The following ARMC6 variants were observed in gnomAD, a reference collection of about 807,000 sequenced individuals.
ARMC6 encodes the protein armadillo repeat containing 6.
A neutral mutation model predicts 49.2 loss-of-function variants in ARMC6; 43 were observed. The ratio of observed to expected loss-of-function variants is 0.87; its 90% CI spans 0.69 to 1.13. The LOEUF (loss-of-function observed/expected upper bound fraction) is 1.13. Among genes scored for constraint, ARMC6 ranks in the 50% most tolerant of loss-of-function variants. ARMC6 has a pLI of 0.00. For synonymous variants in ARMC6, 262 were observed against 289.6 expected, an observed-to-expected ratio of 0.90 and a Z score of 0.97; for missense variants, 627 against 682.0, an observed-to-expected ratio of 0.92 and a Z score of 0.90.
chr19:19,056,446 G>C (rs2059545705), intron 8 of ARMC6, among the ~76,000 whole-genome samples: 1 of 152,108 alleles, frequency 6.6e-6, no homozygotes, highest in Non-Finnish European at 1.5e-5. Flanking sequence ...ATTTTTAGTA[G>C]AGACAAGGTT....
Position 19,045,493 on chromosome 19 carries a change from C to CTTTTTTTTTTTTTTTTTTTTTTTTTT in ARMC6, c.279+1430_279+1431insTTTTTTTTTTTTTTTTTTTTTTTTTT, listed in dbSNP as rs11270900. On this transcript the variant is annotated intron_variant, in intron 4 of 8. Coordinates refer to ENST00000535612, the MANE Select transcript of ARMC6 (RefSeq NM_001199196.2). ...TAAGTGCTCAGCATTATGCTAAATT[C>CTTTTTTTTTTTTTTTTTTTTTTTTTT]TTTTTTTTTTTGAGACAAGAGTCTC... Among the ~76,000 whole-genome samples the CTTTTTTTTTTTTTTTTTTTTTTTTTT allele has an allele frequency of 6.8e-4, 61 of 89,118 alleles. 14 individuals are homozygous for CTTTTTTTTTTTTTTTTTTTTTTTTTT. The highest frequency in any genetic ancestry group is 1.9e-3 in the African/African-American group (40 of 20,894). 58.5% of individuals were successfully genotyped at this position (89,118 alleles called of 152,430 possible).
rs188245132 is a variant in ARMC6, at chr19:19,043,985, C to T, written c.197-7C>T. 6 of 1,613,850 alleles carry T rather than the reference C, an allele frequency of 3.7e-6. No homozygotes were observed. In the African/African-American group the frequency reaches 4.0e-5, roughly 11 times the overall value. ...CCCTGTGTGCTTGCTTCCCCCACCCCCAACAGGGGTTGATCTGAGCAACAT... is the reference window on the plus strand; with the variant it reads ...CCCTGTGTGCTTGCTTCCCCCACCCTCAACAGGGGTTGATCTGAGCAACAT... On this transcript the variant is annotated splice_polypyrimidine_tract_variant and splice_region_variant and intron_variant, in intron 3 of 8. Transcript: ENST00000535612.
intron 2 of ARMC6, among the ~76,000 whole-genome samples, chr19:19,042,334 T>C (rs1243528029): frequency 6.6e-6 from 1 of 152,176 alleles, no homozygotes; most frequent in African/African-American, 2.4e-5. Context: ...TAGTAAACTC[T>C]GTGTTCTCTC....
rs756585012 is a variant in ARMC6 at position 19,055,832 on chromosome 19, G to A, written c.1197G>A (p.Leu399=). ...QSCAALCFLA[L]RKPDNSRIIV... ...GCGCGGCCCTGTGCTTCCTGGCCCT[G>A]CGTAAGCCCGACAACAGCCGCATCA... The change falls in exon 8 of 9, where the codon CTG becomes CTA. Residue 399 remains leucine (L), a synonymous_variant. Coordinates refer to ENST00000535612, the MANE Select transcript of ARMC6 (RefSeq NM_001199196.2). This position sits in a 1 kb window ranked among gnomAD's most constrained non-coding sequence, Gnocchi z 5.7. 75 of 1,610,556 alleles carry A rather than the reference G, an allele frequency of 4.7e-5. No individual in the cohort carries two copies. Among genetic ancestry groups the A allele is most frequent in the Non-Finnish European group, 6.0e-5 (71 of 1,177,660 alleles).
In ARMC6 at chr19:19,042,710, GCT is replaced by G; in HGVS notation, c.31_32del (p.Ser11ArgfsTer26). On this transcript the variant is annotated frameshift_variant and splice_region_variant, in exon 3 of 9. Coordinates refer to ENST00000535612, the MANE Select transcript of ARMC6 (RefSeq NM_001199196.2). LOFTEE classifies it high-confidence loss of function. ...GCTCTCTCTTTGCCCTAACCTCTCA[GCT>G]CAGGAGCATCTATCGGCTGCACGCC... 1 of 1,612,468 alleles carries G rather than the reference GCT, an allele frequency of 6.2e-7. No homozygotes were observed. Among genetic ancestry groups the G allele is most frequent in the Non-Finnish European group, 8.5e-7 (1 of 1,180,000 alleles).
rs189767068 is a variant in ARMC6, at chr19:19,037,617, C to T, written c.29+3379C>T. 9.7e-4 allele frequency: 1,203 copies of T among 1,243,822 alleles called. 8 individuals carry two copies. In the African/African-American group the frequency reaches 0.017, roughly 18 times the overall value. The allele number at this position is 1,243,822 out of a possible 1,614,324, so 77.0% of individuals were successfully genotyped here. A position where few individuals can be genotyped will look rare whatever the true frequency, so the allele number is the denominator to read the frequency against. On this transcript the variant is annotated intron_variant, in intron 2 of 8. Transcript: ENST00000535612. ...CTGGCCTCATGTGATCCTTCCGCCT[C>T]GGCCTCCCAAAGTGCAGGCCACCAT...
At position 19,052,076 on chromosome 19, in the gene ARMC6, C is replaced by T; in HGVS notation, c.734C>T (p.Ala245Val). 1.9e-6 allele frequency: 3 copies of T among 1,613,944 alleles called. No individual in the cohort carries two copies. Among genetic ancestry groups the T allele is most frequent in the Non-Finnish European group, 1.7e-6 (2 of 1,180,042 alleles). ...HTDVVREACW[A>V]LRVMTFDDDI... ...GACGTGGTCAGGGAAGCCTGCTGGG[C>T]CCTGCGTGTCATGACCTTCGATGAC... The change falls in exon 5 of 9, where the codon GCC (alanine) becomes GTC (valine). Residue 245 changes from alanine (A) to valine (V), a missense_variant. By Grantham distance (64) the Ala-to-Val change is moderately conservative. Coordinates refer to ENST00000535612, the MANE Select transcript of ARMC6 (RefSeq NM_001199196.2).
Position 19,034,250 on chromosome 19 carries a change from C to T in ARMC6, c.29+12C>T. ...TGCTCTAGATACAGGTAATGGTGTGCAAATAATAACAGAGTGATGGGACGG... is the reference window on the plus strand; with the variant it reads ...TGCTCTAGATACAGGTAATGGTGTGTAAATAATAACAGAGTGATGGGACGG... On this transcript the variant is annotated intron_variant, in intron 2 of 8. Transcript: ENST00000535612. 7 of 1,593,214 alleles carry T rather than the reference C, an allele frequency of 4.4e-6. No individual in the cohort carries two copies. The highest frequency in any genetic ancestry group is 5.9e-6 in the Non-Finnish European group (7 of 1,177,580).
rs560752373 is a variant in ARMC6, at chr19:19,055,687, G to A, written c.1156-104G>A. ...TACACAGGAGTTGCCAGAGACCCAC[G>A]GAGGGGAGGCCGCAGGGTGTTCACC... On this transcript the variant is annotated intron_variant, in intron 7 of 8. Transcript: ENST00000535612. This position sits in a 1 kb window ranked among gnomAD's most constrained non-coding sequence, Gnocchi z 5.7. The A allele has an allele frequency of 2.0e-5, 29 of 1,461,944 alleles. No individual in the cohort carries two copies. In the Admixed American group the frequency reaches 3.1e-4, roughly 16 times the overall value. 90.6% of individuals were successfully genotyped at this position (1,461,944 alleles called of 1,614,324 possible).
rs369157884 is a variant in ARMC6 at position 19,051,821 on chromosome 19, A to G, written c.479A>G (p.Asn160Ser). 89 of 1,613,930 alleles carry G rather than the reference A, an allele frequency of 5.5e-5. 1 individual carries two copies. The highest frequency in any genetic ancestry group is 1.7e-4 in the Admixed American group (10 of 59,998). Reference sequence around the variant, plus strand: ...CAGGGCCTTCTGCTCCAGTCCCTCAATGCCCTGTCGGTGCTGACTGATGGA... The same window carrying G: ...CAGGGCCTTCTGCTCCAGTCCCTCAGTGCCCTGTCGGTGCTGACTGATGGA... ...GDQGLLLQSL[N>S]ALSVLTDGQP... The change falls in exon 5 of 9, where the codon AAT (asparagine) becomes AGT (serine). Residue 160 changes from asparagine (N) to serine (S), a missense_variant. Physicochemically the swap from Asn to Ser is conservative, Grantham distance 46. Transcript: ENST00000535612.
chr19:19,043,270 G>T (rs739828), intron 3 of ARMC6, among the ~76,000 whole-genome samples: 1,817 of 152,310 alleles, frequency 0.012, 45 homozygotes, highest in African/African-American at 0.041. Context: ...GTGTGGTTAT[G>T]AGGGGCTGTT....
rs386388691 is a variant in ARMC6, at chr19:19,046,927, G to GTTTTTTTTTT, written c.279+2859_279+2868dup. Among the ~76,000 whole-genome samples the GTTTTTTTTTT allele has an allele frequency of 7.1e-3, 726 of 102,520 alleles. 1 individual carries two copies. Among genetic ancestry groups the GTTTTTTTTTT allele is most frequent in the East Asian group, 0.01 (32 of 3,188 alleles). The allele number at this position is 102,520 out of a possible 152,430, so 67.3% of individuals were successfully genotyped here. ...CAGGTGTGAGCCAACATGCTCACCTGTTTTTTTTTTTTTTTCTTTTTCTAT... is the reference window on the plus strand; with the variant it reads ...CAGGTGTGAGCCAACATGCTCACCTGTTTTTTTTTTTTTTTTTTTTTTTTTCTTTTTCTAT... On this transcript the variant is annotated intron_variant, in intron 4 of 8. Coordinates refer to ENST00000535612, the MANE Select transcript of ARMC6 (RefSeq NM_001199196.2).
In ARMC6 at chr19:19,033,826, G is replaced by A. The variant is rs1050832505; in HGVS notation, c.-184G>A. 2 of 269,552 alleles carry A rather than the reference G, an allele frequency of 7.4e-6. No homozygotes were observed. The highest frequency in any genetic ancestry group is 7.6e-5 in the South Asian group (1 of 13,084). The allele number at this position is 269,552 out of a possible 1,614,324, so 16.7% of individuals were successfully genotyped here. On this transcript the variant is annotated 5_prime_UTR_variant, in exon 1 of 9. Transcript: ENST00000535612. ...GAGTCTCTGGGAGGCCAAGCCTAGGGGCGCCACAGCGCCTGCGCGCGTACG... is the reference window on the plus strand; with the variant it reads ...GAGTCTCTGGGAGGCCAAGCCTAGGAGCGCCACAGCGCCTGCGCGCGTACG...
rs367708399 is a variant in ARMC6, at chr19:19,054,257, G to C, written c.959G>C (p.Ser320Thr). The C allele has an allele frequency of 6.2e-7, 1 of 1,611,946 alleles. No homozygotes were observed. Among genetic ancestry groups the C allele is most frequent in the South Asian group, 1.1e-5 (1 of 90,830 alleles). Residue 320 changes from serine (S) to threonine (T), a missense_variant, in exon 6 of 9, where the codon AGC becomes ACC. Ser to Thr is a moderately conservative substitution (Grantham distance 58). Transcript: ENST00000535612. The stretch of plus-strand genomic sequence containing the variant: ...GAGGTCGTCGACCTCGGGGGCCTGA[G>C]CATTCTGGTGTCCCTGCTAGCCGAC... ...CQEVVDLGGL[S>T]ILVSLLADCN...
In ARMC6 at chr19:19,043,411, G is replaced by A. The variant is rs558367697; in HGVS notation, c.196+534G>A. Among the ~76,000 whole-genome samples the A allele has an allele frequency of 1.4e-4, 22 of 152,278 alleles. No individual in the cohort carries two copies. In the East Asian group the frequency reaches 4.2e-3, roughly 29 times the overall value. On this transcript the variant is annotated intron_variant, in intron 3 of 8. Coordinates refer to ENST00000535612, the MANE Select transcript of ARMC6 (RefSeq NM_001199196.2). ...TGCTGGGCCCTGGGGCAGAGGCAGG[G>A]GGCTGGGAATGAACACCCCACACTC... is the stretch of plus-strand genomic sequence containing the variant.
At chr19:19,035,024 G>A (rs968741907) in intron 2 of ARMC6, among the ~76,000 whole-genome samples, 3 of 152,288 alleles carry the variant, frequency 2.0e-5, no homozygotes, top group Non-Finnish European at 2.9e-5. Context: ...ACCACGCCCG[G>A]CTAGTTTTTT....
At chr19:19,042,591 G>A in intron 2 of ARMC6, 120 bp from the exon 3 acceptor site, 1 of 951,798 alleles carries the variant, frequency 1.1e-6, no homozygotes, top group East Asian at 2.6e-5. Context: ...AATTTCTCCA[G>A]GGTGGTTGTA....
intron 2 of ARMC6, among the ~76,000 whole-genome samples, chr19:19,041,191 T>C (rs2059409125): frequency 6.6e-6 from 1 of 152,176 alleles, no homozygotes; most frequent in Non-Finnish European, 1.5e-5. Context: ...AGGTATTCAG[T>C]GCTCCTGTGC....
chr19:19,036,206 C>T (rs1051009421), intron 2 of ARMC6, among the ~76,000 whole-genome samples: 2 of 152,116 alleles, frequency 1.3e-5, no homozygotes, highest in African/African-American at 2.4e-5. Flanking sequence ...GGATTACAGG[C>T]GCCCACTACC....
Sources: allele counts gnomAD v4.1 joint callset (sites outside exome capture counted in the v4.1 genomes callset), GRCh38; gene constraint gnomAD v4.1.1; non-coding constraint Gnocchi (gnomAD v3.1); transcripts MANE v1.5; gene names NCBI Gene and HGNC (gene_info 2026-07-23, HGNC 2026-07-21).